The following LMBR1 variants were observed in gnomAD, a reference collection of about 807,000 sequenced individuals.
LMBR1 encodes limb development membrane protein 1.
Under a neutral mutation model 73.9 loss-of-function variants are expected in LMBR1, and 52 were observed. The ratio of observed to expected loss-of-function variants is 0.70; its 90% confidence interval spans 0.56 to 0.89. LMBR1 has a LOEUF of 0.89. LMBR1 is among the 40% of genes least tolerant of loss of function. The pLI, the probability that LMBR1 is intolerant of heterozygous loss-of-function variation, is 0.00. For missense variants in LMBR1, 539 were observed against 579.8 expected (o/e 0.93, Z 0.72); for synonymous variants, 215 against 209.4 (o/e 1.03, Z -0.23).
chr7:156,752,497 G>C (rs1332785990), intron 9 of LMBR1, among the ~76,000 whole-genome samples: 1 of 152,198 alleles, frequency 6.6e-6, no homozygotes, highest in Non-Finnish European at 1.5e-5. Context: ...ATGGAATCCA[G>C]GGCACTAGGG....
At chr7:156,815,495 T>C (rs1180923055) in intron 4 of LMBR1, among the ~76,000 whole-genome samples, 18 of 152,226 alleles carry the variant, frequency 1.2e-4, no homozygotes. Flanking sequence ...GTAAGAAGCA[T>C]ATAAAGTCCT....
intron 4 of LMBR1, among the ~76,000 whole-genome samples, chr7:156,813,979 A>T (rs116254925): frequency 4.7e-4 from 72 of 152,316 alleles, no homozygotes; most frequent in African/African-American, 1.2e-3. Flanking sequence ...AGCAGAACAG[A>T]TACAATTGTA....
At position 156,771,550 on chromosome 7, in the gene LMBR1, C is replaced by T. The variant is rs75973099; in HGVS notation, c.424-7755G>A. ...ACTGAACCAGGAAGAAATTCAAACC[C>T]TGAACAGATGAATAATGAGTTCTGA... is the stretch of plus-strand genomic sequence containing the variant. On this transcript the variant is annotated intron_variant, in intron 5 of 16. Coordinates refer to ENST00000353442, the MANE Select transcript of LMBR1 (RefSeq NM_022458.4). Among the ~76,000 whole-genome samples, 1,228 of 152,248 alleles carry T rather than the reference C, an allele frequency of 8.1e-3. 20 individuals carry two copies. The highest frequency in any genetic ancestry group is 0.028 in the African/African-American group (1,175 of 41,542).
intron 9 of LMBR1, among the ~76,000 whole-genome samples, chr7:156,750,624 T>C (rs1820701687): frequency 6.6e-6 from 1 of 152,242 alleles, no homozygotes; most frequent in African/African-American, 2.4e-5. Flanking sequence ...TCTTCCTTTT[T>C]CACTTCTATG....
intron 5 of LMBR1, chr7:156,779,691 G>T (rs1264468927): frequency 7.8e-7 from 1 of 1,286,418 alleles, no homozygotes; most frequent in Non-Finnish European, 1.0e-6. Flanking sequence ...TTTCTATGGT[G>T]ATGAACATTT....
intron 9 of LMBR1, among the ~76,000 whole-genome samples, chr7:156,737,946 G>A (rs942267708): frequency 3.9e-5 from 6 of 152,134 alleles, no homozygotes; most frequent in East Asian, 1.9e-4. Context: ...AGCCTCTACC[G>A]ATTGTCCCTG....
intron 4 of LMBR1, among the ~76,000 whole-genome samples, chr7:156,798,181 G>C (rs1396785680): frequency 6.6e-6 from 1 of 152,150 alleles, no homozygotes; most frequent in Non-Finnish European, 1.5e-5. Context: ...ATCAAATATG[G>C]CTAATGACGG....
chr7:156,811,000 G>A (rs1340301000), intron 4 of LMBR1, among the ~76,000 whole-genome samples: 2 of 150,868 alleles, frequency 1.3e-5, no homozygotes, highest in Non-Finnish European at 1.5e-5. Context: ...TAGTAGAGAC[G>A]AGGTTTCACC....
At chr7:156,874,280 C>T (rs1376337072) in intron 1 of LMBR1, among the ~76,000 whole-genome samples, 2 of 152,252 alleles carry the variant, frequency 1.3e-5, no homozygotes, top group South Asian at 2.1e-4. Flanking sequence ...GCCAGCAGGG[C>T]CGGCTGGCTG....
intron 9 of LMBR1, among the ~76,000 whole-genome samples, chr7:156,737,113 G>A (rs1818020451): frequency 6.6e-6 from 1 of 152,254 alleles, no homozygotes; most frequent in East Asian, 1.9e-4. Flanking sequence ...TCGATGGTGT[G>A]TATCCTCCAG....
chr7:156,862,662 A>G (rs1033403070), intron 1 of LMBR1, among the ~76,000 whole-genome samples: 5 of 152,204 alleles, frequency 3.3e-5, no homozygotes. Context: ...GCCACAGACT[A>G]GTGGGAAATT....
intron 1 of LMBR1, among the ~76,000 whole-genome samples, chr7:156,856,437 C>CA (rs373141520): frequency 5.4e-4 from 82 of 152,116 alleles, no homozygotes; most frequent in African/African-American, 1.9e-3. Context: ...AGGCCAGTGT[C>CA]ATGAACGGTG....
intron 15 of LMBR1, among the ~76,000 whole-genome samples, chr7:156,707,004 G>GA (rs747140832): frequency 2.0e-5 from 3 of 150,596 alleles, no homozygotes; most frequent in East Asian, 1.9e-4. Context: ...AGTAACAAGG[G>GA]AAAAAAAAGA....
At chr7:156,812,373 G>A (rs190216956) in intron 4 of LMBR1, among the ~76,000 whole-genome samples, 25 of 152,208 alleles carry the variant, frequency 1.6e-4, no homozygotes, top group South Asian at 2.1e-4. Context: ...ACACAAGAGC[G>A]CAGAGGACTT....
At chr7:156,892,907 G>T in intron 1 of LMBR1, 21 bp downstream of exon 1, 7 of 1,483,154 alleles carry the variant, frequency 4.7e-6, no homozygotes, top group Non-Finnish European at 6.2e-6. Flanking sequence ...GACTGTCAGG[G>T]CTGCCTCGGT....
intron 5 of LMBR1, among the ~76,000 whole-genome samples, chr7:156,784,162 T>C (rs1827674653): frequency 1.3e-5 from 2 of 152,182 alleles, no homozygotes; most frequent in Admixed American, 1.3e-4. Context: ...AGATAATATA[T>C]TAAAAGTCTC....
At chr7:156,714,125 A>T (rs1422724997) in intron 15 of LMBR1, among the ~76,000 whole-genome samples, 1 of 152,168 alleles carries the variant, frequency 6.6e-6, no homozygotes, top group East Asian at 1.9e-4. Flanking sequence ...GGGAAGTGAG[A>T]GTGTGTAAAC....
chr7:156,780,643 C>T (rs181860296), intron 5 of LMBR1, among the ~76,000 whole-genome samples: 2 of 152,284 alleles, frequency 1.3e-5, no homozygotes, highest in East Asian at 3.9e-4. Context: ...GAAATGAGAA[C>T]TAACACTTGC....
rs113386817 is a variant in LMBR1 at position 156,736,652 on chromosome 7, A to G, written c.758-2395T>C. On this transcript the variant is annotated intron_variant, in intron 9 of 16. Coordinates refer to ENST00000353442, the MANE Select transcript of LMBR1 (RefSeq NM_022458.4). ...GAGGACACAAGTGTCTGAGCCACAC[A>G]CCTCTTCACTCCTCCCTTTCTCTCA... 9.7e-4 allele frequency: 439 copies of G among 453,948 alleles called. 4 individuals are homozygous for G. Among genetic ancestry groups the G allele is most frequent in the African/African-American group, 8.1e-3 (408 of 50,070 alleles). The allele number at this position is 453,948 out of a possible 1,614,324, so 28.1% of individuals were successfully genotyped here. A position where few individuals can be genotyped will look rare whatever the true frequency, so the allele number is the denominator to read the frequency against.
Sources: gnomAD v4.1 joint callset for allele counts (sites outside exome capture counted in the v4.1 genomes callset) on GRCh38, gnomAD v4.1.1 for gene constraint, MANE v1.5 for transcripts, NCBI Gene and HGNC (gene_info 2026-07-23, HGNC 2026-07-21) for gene names.